The following MACROD2 variants were observed in gnomAD, a reference collection of about 807,000 sequenced individuals.
MACROD2 encodes ADP-ribose glycohydrolase MACROD2.
MACROD2 carries 36 observed loss-of-function variants against 70.4 expected under a neutral mutation model. The ratio of observed to expected loss-of-function variants is 0.51; its 90% CI spans 0.39 to 0.68. MACROD2 has a LOEUF of 0.68. MACROD2 is among the 30% of genes least tolerant of loss of function. The probability of loss-of-function intolerance (pLI) is 0.00; values close to 1 mark genes in which losing one functional copy is unlikely to be tolerated. For missense variants in MACROD2, 496 were observed against 538.4 expected (o/e 0.92, Z 0.78); for synonymous variants, 172 against 178.8 (o/e 0.96, Z 0.30).
intron 3 of MACROD2, among the ~76,000 whole-genome samples, chr20:14,375,520 C>G (rs369634335): frequency 2.6e-5 from 4 of 151,958 alleles, no homozygotes; most frequent in African/African-American, 9.7e-5. Context: ...AAGGGGAGAA[C>G]GAAGAGGTTT....
intron 8 of MACROD2, among the ~76,000 whole-genome samples, chr20:15,665,305 C>G (rs1055362107): frequency 6.6e-6 from 1 of 152,198 alleles, no homozygotes; most frequent in Non-Finnish European, 1.5e-5. Context: ...CATCACTAAA[C>G]TTATGGTCGG....
intron 7 of MACROD2, among the ~76,000 whole-genome samples, chr20:15,477,042 T>C (rs1225286853): frequency 6.6e-6 from 1 of 152,074 alleles, no homozygotes; most frequent in Admixed American, 6.6e-5. Flanking sequence ...ATCTCCACTG[T>C]ATCTGAATTT....
At chr20:15,126,270 C>T (rs1331411175) in intron 5 of MACROD2, among the ~76,000 whole-genome samples, 1 of 151,746 alleles carries the variant, frequency 6.6e-6, no homozygotes, top group Admixed American at 6.6e-5. Context: ...TTACAAGGAA[C>T]CACTAAACAG....
Position 14,809,095 on chromosome 20 carries a change from C to A in MACROD2, c.418+124136C>A, listed in dbSNP as rs942408420. 1.3e-4 allele frequency among the ~76,000 whole-genome samples: 20 copies of A among 152,102 alleles called. 1 individual carries two copies. Among genetic ancestry groups the A allele is most frequent in the Non-Finnish European group, 2.5e-4 (17 of 68,014 alleles). On this transcript the variant is annotated intron_variant, in intron 5 of 17. Transcript: ENST00000684519. ...TGGACCAAGTGGACCTAATAGACATCTACAGAATTCTCCACCCCAAATCAA... is the reference window on the plus strand; with the variant it reads ...TGGACCAAGTGGACCTAATAGACATATACAGAATTCTCCACCCCAAATCAA...
At chr20:15,326,600 C>T (rs1170848511) in intron 6 of MACROD2, among the ~76,000 whole-genome samples, 2 of 152,046 alleles carry the variant, frequency 1.3e-5, no homozygotes, top group East Asian at 1.9e-4. Flanking sequence ...TTGGCTATCA[C>T]GCATCTATCT....
intron 6 of MACROD2, among the ~76,000 whole-genome samples, chr20:15,304,639 T>C (rs1406161761): frequency 6.6e-6 from 1 of 152,196 alleles, no homozygotes; most frequent in Non-Finnish European, 1.5e-5. Flanking sequence ...CCAGCTCATA[T>C]TCCTTTCCTT....
At chr20:15,250,740 C>G (rs538852712) in intron 6 of MACROD2, among the ~76,000 whole-genome samples, 27 of 152,264 alleles carry the variant, frequency 1.8e-4, no homozygotes, top group Admixed American at 1.4e-3. Context: ...TCAGCTCTGT[C>G]TTCTCTTCCT....
intron 6 of MACROD2, among the ~76,000 whole-genome samples, chr20:15,239,894 T>C (rs1250448671): frequency 6.6e-6 from 1 of 152,154 alleles, no homozygotes; most frequent in Non-Finnish European, 1.5e-5. Flanking sequence ...ATGAGGACCA[T>C]AGTTGAGGTT....
intron 8 of MACROD2, among the ~76,000 whole-genome samples, chr20:15,737,917 G>A (rs2051048293): frequency 6.6e-6 from 1 of 152,048 alleles, no homozygotes; most frequent in Admixed American, 6.6e-5. Flanking sequence ...TGGATGGGTG[G>A]ATGAATGGCG....
chr20:14,280,008 C>G (rs1217705621), intron 3 of MACROD2, among the ~76,000 whole-genome samples: 1 of 152,126 alleles, frequency 6.6e-6, no homozygotes, highest in Non-Finnish European at 1.5e-5. Context: ...GTATCACTTT[C>G]AATTCTCAAT....
At chr20:14,969,140 A>G (rs1346389666) in intron 5 of MACROD2, among the ~76,000 whole-genome samples, 1 of 151,246 alleles carries the variant, frequency 6.6e-6, no homozygotes, top group Non-Finnish European at 1.5e-5. Flanking sequence ...AGGTCACAAA[A>G]TTATAGCACC....
At chr20:15,754,752 A>G (rs2051323472) in intron 8 of MACROD2, among the ~76,000 whole-genome samples, 1 of 146,968 alleles carries the variant, frequency 6.8e-6, no homozygotes, top group East Asian at 2.0e-4. Flanking sequence ...TGCCCTGGCC[A>G]TTATGTATAC....
intron 3 of MACROD2, among the ~76,000 whole-genome samples, chr20:14,215,394 A>G (rs2122149102): frequency 6.8e-6 from 1 of 146,336 alleles, no homozygotes. Flanking sequence ...CAGTTTCTTT[A>G]GCTACTTGTT....
At chr20:14,888,858 CT>C (rs1271631624) in intron 5 of MACROD2, among the ~76,000 whole-genome samples, 1 of 152,136 alleles carries the variant, frequency 6.6e-6, no homozygotes, top group Non-Finnish European at 1.5e-5. Context: ...ATGAGTAATT[CT>C]TTCCAGTATC....
intron 8 of MACROD2, among the ~76,000 whole-genome samples, chr20:15,741,217 A>T (rs904782627): frequency 6.7e-6 from 1 of 148,560 alleles, no homozygotes; most frequent in Non-Finnish European, 1.5e-5. Flanking sequence ...TCAGCCTCCC[A>T]AGTAGCTGGG....
chr20:15,540,068 A>G (rs889492672), intron 8 of MACROD2, among the ~76,000 whole-genome samples: 1 of 152,214 alleles, frequency 6.6e-6, no homozygotes, highest in Admixed American at 6.5e-5. Flanking sequence ...TTACAGCTGA[A>G]GGGGAATTCC....
At chr20:14,840,486 C>T (rs1054398571) in intron 5 of MACROD2, among the ~76,000 whole-genome samples, 2 of 152,092 alleles carry the variant, frequency 1.3e-5, no homozygotes, top group Non-Finnish European at 2.9e-5. Flanking sequence ...ATCCTCCCAC[C>T]TCAGCCTCTC....
intron 15 of MACROD2, among the ~76,000 whole-genome samples, chr20:16,000,269 A>G (rs1346244909): frequency 6.6e-6 from 1 of 152,220 alleles, no homozygotes; most frequent in Non-Finnish European, 1.5e-5. Context: ...ACACACAGAC[A>G]TATACGCATC....
chr20:14,608,259 A>AAAAT (rs970104857), intron 4 of MACROD2, among the ~76,000 whole-genome samples: 4 of 152,148 alleles, frequency 2.6e-5, no homozygotes, highest in African/African-American at 4.8e-5. Flanking sequence ...TCCGTCTCAA[A>AAAAT]AAATAAATAA....
Sources: allele counts gnomAD v4.1 joint callset (sites outside exome capture counted in the v4.1 genomes callset), GRCh38; gene constraint gnomAD v4.1.1; transcripts MANE v1.5; gene names NCBI Gene and HGNC (gene_info 2026-07-23, HGNC 2026-07-21).